The following PCDHGA5 variants were observed in gnomAD, a reference collection of about 807,000 sequenced individuals.
The protein encoded by PCDHGA5 is protocadherin gamma subfamily A, 5.
A neutral mutation model predicts 56.7 loss-of-function variants in PCDHGA5; 36 were observed. That is an observed-to-expected ratio of 0.64 (90% CI 0.49 to 0.84). PCDHGA5 has a LOEUF of 0.84. PCDHGA5 is among the 40% of genes least tolerant of loss of function. The pLI is 0.00. For missense variants in PCDHGA5, 1,305 were observed against 1,201.5 expected, an observed-to-expected ratio of 1.09 and a Z score of -1.27; for synonymous variants, 563 against 520.2, an observed-to-expected ratio of 1.08 and a Z score of -1.12.
chr5:141,375,347 G>A, intron 1 of PCDHGA5: 2 of 1,613,852 alleles, frequency 1.2e-6, no homozygotes, highest in South Asian at 2.2e-5. Flanking sequence ...CAACATCACT[G>A]TGACAGCCAC....
chr5:141,398,914 C>G, intron 1 of PCDHGA5: 1 of 1,613,964 alleles, frequency 6.2e-7, no homozygotes, highest in Non-Finnish European at 8.5e-7. Flanking sequence ...CACTGTGTTG[C>G]AAGTGTCAGC....
rs763544302 is a variant in PCDHGA5, at chr5:141,385,145, T to C, written c.2421+18394T>C. On this transcript the variant is annotated intron_variant, in intron 1 of 3. Coordinates refer to ENST00000518069, the MANE Select transcript of PCDHGA5 (RefSeq NM_018918.3). ...GTGGGCATGGACGGGGTGCAGGCTTTCCTGCAGACCTATTCCCATGAGGTC... is the reference window on the plus strand; with the variant it reads ...GTGGGCATGGACGGGGTGCAGGCTTCCCTGCAGACCTATTCCCATGAGGTC... 5.6e-6 allele frequency: 9 copies of C among 1,614,106 alleles called. No homozygotes were observed. The highest frequency in any genetic ancestry group is 7.6e-6 in the Non-Finnish European group (9 of 1,180,050).
rs1296809092 is a variant in PCDHGA5, at chr5:141,364,533, C to T, written c.203C>T (p.Ser68Phe). 1.2e-6 allele frequency: 2 copies of T among 1,614,094 alleles called. No homozygotes were observed. The highest frequency in any genetic ancestry group is 1.7e-6 in the Non-Finnish European group (2 of 1,179,942). The change falls in exon 1 of 4, where the codon TCC becomes TTC. Residue 68 changes from serine (S) to phenylalanine (F), a missense_variant. Physicochemically the swap from Ser to Phe is radical, Grantham distance 155. Transcript: ENST00000518069. Reference protein sequence around the residue: ...ELAERGVRIVSRGRTQLFALN... With the variant: ...ELAERGVRIVFRGRTQLFALN... ...GCGGAGCGCGGAGTCCGCATCGTCT[C>T]CAGAGGTAGGACGCAGCTTTTTGCC...
At chr5:141,391,498 G>A (rs974621252) in intron 1 of PCDHGA5, 1 of 151,980 alleles carries the variant, frequency 6.6e-6, no homozygotes, top group African/African-American at 2.4e-5. Flanking sequence ...TTTCAGTAGA[G>A]AAAATATTTT....
chr5:141,461,480 G>A (rs1478939044), intron 1 of PCDHGA5, among the ~76,000 whole-genome samples: 1 of 151,970 alleles, frequency 6.6e-6, no homozygotes, highest in Non-Finnish European at 1.5e-5. Context: ...ACTTTTTAAT[G>A]GGATTGTGTT....
At chr5:141,421,213 G>C (rs916345810) in intron 1 of PCDHGA5, 3 of 1,548,472 alleles carry the variant, frequency 1.9e-6, no homozygotes, top group Admixed American at 4.1e-5. Context: ...GCGGAATATC[G>C]GCTTAGAGCC....
In PCDHGA5 at chr5:141,423,272, T is replaced by C. The variant is rs372798900; in HGVS notation, c.2421+56521T>C. On this transcript the variant is annotated intron_variant, in intron 1 of 3. Coordinates refer to ENST00000518069, the MANE Select transcript of PCDHGA5 (RefSeq NM_018918.3). ...GCGGACCTCGGCAGCCTCGAGTCTC[T>C]GGCTAACTCTGAAACCTCAGACCTC... 36 of 1,613,586 alleles carry C rather than the reference T, an allele frequency of 2.2e-5. No individual in the cohort carries two copies. In the African/African-American group the frequency reaches 4.4e-4, roughly 20 times the overall value.
In PCDHGA5 at chr5:141,485,429, A is replaced by T. The variant is rs1388904857; in HGVS notation, c.2422-9378A>T. On this transcript the variant is annotated intron_variant, in intron 1 of 3. Transcript: ENST00000518069. This position sits in a 1 kb window ranked among gnomAD's most constrained non-coding sequence, Gnocchi z 5.7. Reference sequence around the variant, plus strand: ...GGATTTGGACAGCGGAGCCCTGCTCATCAAGAACCCAATCGACCGAGAGGC... The same window carrying T: ...GGATTTGGACAGCGGAGCCCTGCTCTTCAAGAACCCAATCGACCGAGAGGC... The T allele has an allele frequency of 6.2e-7, 1 of 1,614,090 alleles. No homozygotes were observed. Among genetic ancestry groups the T allele is most frequent in the Non-Finnish European group, 8.5e-7 (1 of 1,180,052 alleles).
chr5:141,384,957 C>T (rs1561605479), intron 1 of PCDHGA5: 2 of 1,613,966 alleles, frequency 1.2e-6, no homozygotes, highest in African/African-American at 2.7e-5. Flanking sequence ...GTCCTTACAA[C>T]TATGACCTCA....
Position 141,415,578 on chromosome 5 carries a change from G to A in PCDHGA5, c.2421+48827G>A, listed in dbSNP as rs372519745. On this transcript the variant is annotated intron_variant, in intron 1 of 3. Transcript: ENST00000518069. ...ATCCTTTGTCTTTGTTAGATGATTCGAAGTTTCCTATAGAGGATACCCCAT... is the reference window on the plus strand; with the variant it reads ...ATCCTTTGTCTTTGTTAGATGATTCAAAGTTTCCTATAGAGGATACCCCAT... 678 of 1,613,890 alleles carry A rather than the reference G, an allele frequency of 4.2e-4. 10 individuals are homozygous for A. In the South Asian group the frequency reaches 6.8e-3, roughly 16 times the overall value.
intron 1 of PCDHGA5, chr5:141,412,074 A>G (rs751287485): frequency 2.0e-5 from 3 of 152,184 alleles, no homozygotes; most frequent in Non-Finnish European, 4.4e-5. Context: ...TGAGGGAACA[A>G]TTGCTACTGG....
In PCDHGA5 at chr5:141,485,062, C is replaced by T. The variant is rs2099606141; in HGVS notation, c.2422-9745C>T. 2.3e-6 allele frequency: 2 copies of T among 876,222 alleles called. No individual in the cohort carries two copies. Among genetic ancestry groups the T allele is most frequent in the Non-Finnish European group, 3.6e-6 (2 of 552,684 alleles). 54.3% of individuals were successfully genotyped at this position (876,222 alleles called of 1,614,324 possible). ...CCTTGCGGCGCCGGCCGAACCGCGCCAGAGCTGGCGCGGGGAAAGGGAGAT... is the reference window on the plus strand; with the variant it reads ...CCTTGCGGCGCCGGCCGAACCGCGCTAGAGCTGGCGCGGGGAAAGGGAGAT... On this transcript the variant is annotated intron_variant, in intron 1 of 3. Coordinates refer to ENST00000518069, the MANE Select transcript of PCDHGA5 (RefSeq NM_018918.3). The surrounding 1 kb of genome is among the most constrained non-coding windows in gnomAD (Gnocchi z 5.7).
intron 1 of PCDHGA5, chr5:141,399,154 G>T (rs780620346): frequency 1.2e-6 from 2 of 1,613,850 alleles, no homozygotes; most frequent in South Asian, 1.1e-5. Context: ...TAGCCCAGAA[G>T]TTACATTCCA....
intron 1 of PCDHGA5, chr5:141,423,387 G>A (rs373190092): frequency 6.2e-7 from 1 of 1,614,162 alleles, no homozygotes; most frequent in Non-Finnish European, 8.5e-7. Context: ...TGTGGCGCTG[G>A]CATAAGTCAC....
chr5:141,494,935 G>A, intron 2 of PCDHGA5, 70 bp downstream of exon 2: 1 of 1,612,482 alleles, frequency 6.2e-7, no homozygotes, highest in Non-Finnish European at 8.5e-7. Flanking sequence ...GGGAGGAGAT[G>A]GGGGAGGGCC....
At chr5:141,471,095 C>T (rs1266802067) in intron 1 of PCDHGA5, among the ~76,000 whole-genome samples, 1 of 144,764 alleles carries the variant, frequency 6.9e-6, no homozygotes, top group East Asian at 2.0e-4. Context: ...GTTGTCCAGG[C>T]TAGAGTGCAG....
At chr5:141,413,806 A>G (rs775797735) in intron 1 of PCDHGA5, 1 of 1,613,168 alleles carries the variant, frequency 6.2e-7, no homozygotes, top group Non-Finnish European at 8.5e-7. Context: ...GGAAGAGGCC[A>G]TTCACCACCT....
At chr5:141,433,343 G>A (rs1591274674) in intron 1 of PCDHGA5, 1 of 630,308 alleles carries the variant, frequency 1.6e-6, no homozygotes, top group Admixed American at 3.0e-5. Flanking sequence ...ACAGGTGCAA[G>A]CCACCTACTG....
At chr5:141,393,710 G>A (rs143738602) in intron 1 of PCDHGA5, 4 of 1,613,794 alleles carry the variant, frequency 2.5e-6, no homozygotes, top group Non-Finnish European at 3.4e-6. Flanking sequence ...AAAATACTGG[G>A]GAAATATCAA....
Sources: gnomAD v4.1 joint callset for allele counts (sites outside exome capture counted in the v4.1 genomes callset) on GRCh38, gnomAD v4.1.1 for gene constraint, Gnocchi (gnomAD v3.1) non-coding constraint, MANE v1.5 for transcripts, NCBI Gene and HGNC (gene_info 2026-07-23, HGNC 2026-07-21) for gene names.